Variants in USP48 observed in about 807,000 individuals in gnomAD.
USP48 encodes the protein ubiquitin specific peptidase 48, also known as ubiquitin carboxyl-terminal hydrolase 48.
In USP48, 43 loss-of-function variants were observed where a neutral mutation model predicts 150.7. The ratio of observed to expected loss-of-function variants is 0.29; its 90% CI spans 0.22 to 0.37. The LOEUF is 0.37. Ranked by LOEUF, USP48 falls within the 10% of genes least tolerant of loss-of-function variation. The pLI is 1.00. For synonymous variants in USP48, 396 were observed against 425.9 expected (o/e 0.93, Z 0.86); for missense variants, 813 against 1,249.6 (o/e 0.65, Z 5.27).
intron 1 of USP48, among the ~76,000 whole-genome samples, chr1:21,779,893 G>A (rs1293796795): frequency 6.6e-6 from 1 of 152,132 alleles, no homozygotes; most frequent in Non-Finnish European, 1.5e-5. Flanking sequence ...AAGTAGGAGG[G>A]CCTAACCAGA....
At chr1:21,716,502 A>G (rs2152536739) in intron 14 of USP48, among the ~76,000 whole-genome samples, 1 of 152,328 alleles carries the variant, frequency 6.6e-6, no homozygotes, top group South Asian at 2.1e-4. Flanking sequence ...TTACTTCTGG[A>G]AGTTTCCATG....
chr1:21,751,439 G>T, intron 6 of USP48, 68 bp downstream of exon 6: 1 of 1,202,704 alleles, frequency 8.3e-7, no homozygotes. Context: ...AATCAAAACA[G>T]AATAGCATTC....
At chr1:21,702,694 G>A (rs2097660654) in intron 21 of USP48, among the ~76,000 whole-genome samples, 1 of 151,960 alleles carries the variant, frequency 6.6e-6, no homozygotes, top group Non-Finnish European at 1.5e-5. Flanking sequence ...GTGTATGGTC[G>A]TTCATTCCAT....
chr1:21,754,084 C>A (rs563382232), intron 3 of USP48, among the ~76,000 whole-genome samples: 1 of 152,156 alleles, frequency 6.6e-6, no homozygotes, highest in African/African-American at 2.4e-5. Flanking sequence ...TCACTTGAAC[C>A]CGACAGGCGG....
chr1:21,717,439 TA>T (rs142138832), intron 14 of USP48, among the ~76,000 whole-genome samples: 16 of 104,614 alleles, frequency 1.5e-4, no homozygotes, highest in East Asian at 7.9e-4. Flanking sequence ...ACAAAACAAA[TA>T]AAAAAAAACC....
At chr1:21,745,226 A>G (rs150260861) in intron 8 of USP48, among the ~76,000 whole-genome samples, 74 of 152,328 alleles carry the variant, frequency 4.9e-4, no homozygotes, top group Middle Eastern at 3.4e-3. Flanking sequence ...GCCTATAACT[A>G]TAAACCACTA....
intron 1 of USP48, among the ~76,000 whole-genome samples, chr1:21,779,336 G>A (rs1401574908): frequency 1.3e-5 from 2 of 152,054 alleles, no homozygotes; most frequent in African/African-American, 4.8e-5. Flanking sequence ...CCTGAGGTCA[G>A]GAGTTCAAGA....
At chr1:21,697,428 C>G (rs992551686) in intron 22 of USP48, among the ~76,000 whole-genome samples, 1 of 151,976 alleles carries the variant, frequency 6.6e-6, no homozygotes, top group African/African-American at 2.4e-5. Context: ...CTTTGGGAGG[C>G]CAAGGTGGGC....
chr1:21,778,402 T>C (rs1345118518), intron 1 of USP48, among the ~76,000 whole-genome samples: 1 of 151,964 alleles, frequency 6.6e-6, no homozygotes, highest in Non-Finnish European at 1.5e-5. Context: ...ATAGAGCAAT[T>C]GGAATCCTCA....
At chr1:21,715,112 G>C (rs1378384731) in intron 15 of USP48, 2 of 322,548 alleles carry the variant, frequency 6.2e-6, no homozygotes, top group Non-Finnish European at 1.2e-5. Flanking sequence ...AGATGAAGAA[G>C]AAGAAACATA....
intron 1 of USP48, among the ~76,000 whole-genome samples, chr1:21,763,059 T>C (rs952427617): frequency 4.6e-5 from 7 of 152,048 alleles, no homozygotes; most frequent in Admixed American, 2.0e-4. Context: ...CCAAAAATCA[T>C]GCATACTCAA....
chr1:21,774,777 A>C (rs935333500), intron 1 of USP48, among the ~76,000 whole-genome samples: 1 of 151,830 alleles, frequency 6.6e-6, no homozygotes, highest in Non-Finnish European at 1.5e-5. Context: ...AGATCACCTG[A>C]AGTTAGGAGT....
At chr1:21,718,597 C>T (rs1248922039) in intron 14 of USP48, among the ~76,000 whole-genome samples, 8 of 149,300 alleles carry the variant, frequency 5.4e-5, no homozygotes, top group Non-Finnish European at 1.2e-4. Flanking sequence ...CGTGCTCTGT[C>T]GCCCAGGCTG....
intron 1 of USP48, among the ~76,000 whole-genome samples, chr1:21,782,280 G>A (rs1328609335): frequency 6.6e-6 from 1 of 152,038 alleles, no homozygotes; most frequent in Non-Finnish European, 1.5e-5. Flanking sequence ...TCGGTAAACT[G>A]GTGTCGAACC....
At chr1:21,772,279 CCCACAAAGCCCAAATATACCACAGAAAA>C (rs2097883126) in intron 1 of USP48, among the ~76,000 whole-genome samples, 4 of 152,062 alleles carry the variant, frequency 2.6e-5, no homozygotes, top group Admixed American at 2.6e-4. Context: ...GGAAAAAAAG[CCCACAAAGCCCAAATATACCACAGAAAA>C]TATCTTCGAC....
chr1:21,757,120 G>A (rs2097838422), intron 2 of USP48, among the ~76,000 whole-genome samples: 1 of 152,176 alleles, frequency 6.6e-6, no homozygotes, highest in African/African-American at 2.4e-5. Flanking sequence ...TTTAAAGATT[G>A]GCGGTGGTAG....
At chr1:21,761,433 T>A (rs1472690051) in intron 1 of USP48, among the ~76,000 whole-genome samples, 2 of 152,066 alleles carry the variant, frequency 1.3e-5, no homozygotes, top group Non-Finnish European at 2.9e-5. Flanking sequence ...CTTGGATAAT[T>A]TTTTATTTTA....
intron 24 of USP48, 112 bp downstream of exon 24, chr1:21,689,862 T>C (rs1056048693): frequency 7.0e-7 from 1 of 1,431,388 alleles, no homozygotes; most frequent in Admixed American, 2.2e-5. Context: ...CATTTATCAC[T>C]ACCCTCTGCT....
At chr1:21,710,831 A>G (rs1313308897) in intron 15 of USP48, among the ~76,000 whole-genome samples, 1 of 152,012 alleles carries the variant, frequency 6.6e-6, no homozygotes, top group Non-Finnish European at 1.5e-5. Context: ...TTTTAGAGAC[A>G]GGATCTCACT....
Sources: gnomAD v4.1 joint callset for allele counts (sites outside exome capture counted in the v4.1 genomes callset) on GRCh38, gnomAD v4.1.1 for gene constraint, MANE v1.5 for transcripts, NCBI Gene and HGNC (gene_info 2026-07-23, HGNC 2026-07-21) for gene names.